GRIP1: variants seen among roughly 807,000 people sequenced by gnomAD.
GRIP1 encodes the protein glutamate receptor-interacting protein 1.
GRIP1 carries 45 observed loss-of-function variants against 129.9 expected under a neutral mutation model. That is an observed-to-expected ratio of 0.35 (90% confidence interval 0.27 to 0.44). GRIP1 has a LOEUF of 0.44. Among genes scored for constraint, GRIP1 ranks in the 20% least tolerant of loss-of-function variants. GRIP1 has a pLI of 1.00. For synonymous variants in GRIP1, 530 were observed against 520.8 expected (o/e 1.02, Z -0.24); for missense variants, 1,196 against 1,396.8 (o/e 0.86, Z 2.29).
intron 5 of GRIP1, among the ~76,000 whole-genome samples, chr12:66,519,467 A>C (rs2060939145): frequency 6.6e-6 from 1 of 152,250 alleles, no homozygotes; most frequent in African/African-American, 2.4e-5. Context: ...ACTGATTGAG[A>C]AAAGGATGGG....
chr12:66,440,690 T>C (rs1338948394), intron 13 of GRIP1, among the ~76,000 whole-genome samples: 2 of 152,180 alleles, frequency 1.3e-5, no homozygotes, highest in Non-Finnish European at 2.9e-5. Flanking sequence ...CTCTCCCTCA[T>C]TCATGTCAGG....
chr12:66,860,101 CAGATCCTT>C (rs1424399011), intron 1 of GRIP1, among the ~76,000 whole-genome samples: 1 of 152,106 alleles, frequency 6.6e-6, no homozygotes, highest in Non-Finnish European at 1.5e-5. Flanking sequence ...ATAAGATCCT[CAGATCCTT>C]GGTCCGGAAA....
In GRIP1 at chr12:66,926,698, C is replaced by A. The variant is rs1429027371; in HGVS notation, c.58+142352G>T. 7.2e-5 allele frequency among the ~76,000 whole-genome samples: 11 copies of A among 152,300 alleles called. 1 individual carries two copies. The South Asian group carries it at 2.1e-3, about 29-fold the overall frequency. ...ATTTTCCTTCAGACACTAAAGAGGG[C>A]AATTTGTGAGGTGCCCAGTCTATGC... On this transcript the variant is annotated intron_variant, in intron 1 of 1. Coordinates refer to the GRIP1 transcript ENST00000643019.
At chr12:66,516,190 T>C (rs983755355) in intron 6 of GRIP1, among the ~76,000 whole-genome samples, 1 of 152,176 alleles carries the variant, frequency 6.6e-6, no homozygotes, top group African/African-American at 2.4e-5. Context: ...CCAAGCAGGA[T>C]AGGAACTGCT....
intron 1 of GRIP1, among the ~76,000 whole-genome samples, chr12:67,038,584 C>T (rs2043132213): frequency 1.3e-5 from 2 of 152,018 alleles, no homozygotes; most frequent in South Asian, 4.1e-4. Context: ...CTCTCAGAGC[C>T]CCTTTTAAAA....
At chr12:66,694,055 T>A (rs2035069779) in intron 1 of GRIP1, among the ~76,000 whole-genome samples, 1 of 152,160 alleles carries the variant, frequency 6.6e-6, no homozygotes, top group African/African-American at 2.4e-5. Context: ...ATTATGAGCA[T>A]CAGAAACAGC....
upstream of GRIP1, among the ~76,000 whole-genome samples, chr12:66,683,315 G>A (rs950359597): frequency 2.0e-5 from 3 of 152,026 alleles, no homozygotes; most frequent in African/African-American, 7.2e-5. Flanking sequence ...TTCAACTAGT[G>A]TGTCAACATG....
rs111764162 is a variant in GRIP1 at position 66,922,446 on chromosome 12, A to G, written c.58+146604T>C. On this transcript the variant is annotated intron_variant, in intron 1 of 1. Transcript: ENST00000643019. ...TTTCACAATGTACCCATACATTGTCAAATTTTAAACTAAGGTTTCCAAATG... is the reference window on the plus strand; with the variant it reads ...TTTCACAATGTACCCATACATTGTCGAATTTTAAACTAAGGTTTCCAAATG... Among the ~76,000 whole-genome samples the G allele has an allele frequency of 3.5e-3, 532 of 152,356 alleles. 4 individuals are homozygous for G. The highest frequency in any genetic ancestry group is 0.012 in the African/African-American group (505 of 41,590).
chr12:66,862,253 TATGG>T (rs1044937112), intron 1 of GRIP1, among the ~76,000 whole-genome samples: 1 of 152,014 alleles, frequency 6.6e-6, no homozygotes, highest in African/African-American at 2.4e-5. Context: ...ATGAATAAAA[TATGG>T]ATCAATAAAG....
chr12:66,737,675 G>C (rs535779245), intron 1 of GRIP1, among the ~76,000 whole-genome samples: 1 of 152,034 alleles, frequency 6.6e-6, no homozygotes, highest in Non-Finnish European at 1.5e-5. Flanking sequence ...ATTTTTAAAA[G>C]TTAGCAATAT....
chr12:66,612,942 GA>G (rs1233535299), intron 1 of GRIP1, among the ~76,000 whole-genome samples: 1 of 152,102 alleles, frequency 6.6e-6, no homozygotes, highest in Non-Finnish European at 1.5e-5. Context: ...AATTACCGGG[GA>G]AAGACAGCAT....
intron 14 of GRIP1, among the ~76,000 whole-genome samples, chr12:66,426,465 C>T (rs1345716681): frequency 1.3e-5 from 2 of 152,070 alleles, no homozygotes; most frequent in Admixed American, 1.3e-4. Flanking sequence ...TTTGTAATAG[C>T]GTCCACTCCC....
chr12:66,482,334 G>A (rs1433147766), intron 7 of GRIP1, among the ~76,000 whole-genome samples: 1 of 152,134 alleles, frequency 6.6e-6, no homozygotes, highest in African/African-American at 2.4e-5. Flanking sequence ...TGGCTGGGAT[G>A]AGCTTATTAG....
At chr12:66,436,113 C>T (rs2058295078) in intron 13 of GRIP1, among the ~76,000 whole-genome samples, 1 of 152,186 alleles carries the variant, frequency 6.6e-6, no homozygotes, top group Non-Finnish European at 1.5e-5. Flanking sequence ...TTATTTTGTA[C>T]TTCCCTGATT....
intron 1 of GRIP1, among the ~76,000 whole-genome samples, chr12:66,648,690 G>C (rs967826263): frequency 6.6e-6 from 1 of 152,210 alleles, no homozygotes; most frequent in Non-Finnish European, 1.5e-5. Context: ...GTTGATGACA[G>C]AGTCGGTGAC....
At chr12:66,833,820 T>C (rs143335672) in intron 1 of GRIP1, among the ~76,000 whole-genome samples, 2 of 152,134 alleles carry the variant, frequency 1.3e-5, no homozygotes, top group East Asian at 3.9e-4. Flanking sequence ...CCTTAATAGA[T>C]AAGACAAAAT....
At chr12:66,739,602 G>A (rs199883170) in intron 1 of GRIP1, among the ~76,000 whole-genome samples, 1 of 152,002 alleles carries the variant, frequency 6.6e-6, no homozygotes, top group African/African-American at 2.4e-5. Context: ...GACAGGAGAG[G>A]GAGAGCATCA....
intron 1 of GRIP1, among the ~76,000 whole-genome samples, chr12:66,733,987 G>A (rs533945567): frequency 6.6e-6 from 1 of 152,160 alleles, no homozygotes; most frequent in African/African-American, 2.4e-5. Context: ...TTTCAGGAGA[G>A]AGGTGGTTTT....
At chr12:67,033,912 G>A (rs868111521) in intron 1 of GRIP1, among the ~76,000 whole-genome samples, 3 of 152,142 alleles carry the variant, frequency 2.0e-5, no homozygotes, top group East Asian at 1.9e-4. Flanking sequence ...ATACAGCCAG[G>A]AAAAGATAGA....
Sources: gnomAD v4.1 joint callset for allele counts (sites outside exome capture counted in the v4.1 genomes callset) on GRCh38, gnomAD v4.1.1 for gene constraint, MANE v1.5 for transcripts, NCBI Gene and HGNC (gene_info 2026-07-23, HGNC 2026-07-21) for gene names.